Variants in CACNA1G observed in about 807,000 individuals in gnomAD.
CACNA1G encodes the protein calcium voltage-gated channel subunit alpha1 G, also known as voltage-dependent T-type calcium channel subunit alpha-1G.
A neutral mutation model predicts 219.4 loss-of-function variants in CACNA1G; 67 were observed. The ratio of observed to expected loss-of-function variants is 0.31; its 90% CI spans 0.25 to 0.37. The LOEUF is 0.37. CACNA1G is among the 10% of genes least tolerant of loss of function. CACNA1G has a pLI of 1.00. For synonymous variants in CACNA1G, 1,296 were observed against 1,345.3 expected (o/e 0.96, Z 0.80); for missense variants, 2,380 against 3,231.4 (o/e 0.74, Z 6.39).
At chr17:50,615,658 TG>T (rs2050379341) in intron 27 of CACNA1G, 146 bp downstream of exon 27, 1 of 807,406 alleles carries the variant, frequency 1.2e-6, no homozygotes. Flanking sequence ...CCCTTGGAGG[TG>T]GGTATCATCT....
At chr17:50,567,937 G>A (rs1265651103) in intron 1 of CACNA1G, among the ~76,000 whole-genome samples, 1 of 152,156 alleles carries the variant, frequency 6.6e-6, no homozygotes, top group Non-Finnish European at 1.5e-5. Context: ...GCCACAAGCA[G>A]GTGTGATGGC....
chr17:50,601,029 C>A, intron 18 of CACNA1G, 22 bp from the exon 19 acceptor site: 1 of 1,611,642 alleles, frequency 6.2e-7, no homozygotes, highest in African/African-American at 1.3e-5. Flanking sequence ...CCCTCTCAGC[C>A]GTTGCCTCCA....
intron 3 of CACNA1G, 53 bp downstream of exon 3, chr17:50,569,351 C>T (rs997950625): frequency 8.2e-6 from 13 of 1,591,220 alleles, no homozygotes; most frequent in South Asian, 6.6e-5. Flanking sequence ...GTCCCTTCCC[C>T]GGGGCCAGGG....
At chr17:50,584,714 A>G (rs1279589535) in intron 9 of CACNA1G, among the ~76,000 whole-genome samples, 1 of 151,568 alleles carries the variant, frequency 6.6e-6, no homozygotes, top group Admixed American at 6.6e-5. Context: ...GGGATGCACA[A>G]CACAGAGCTC....
At chr17:50,606,752 C>T (rs1171298265) in intron 23 of CACNA1G, 148 bp from the exon 24 acceptor site, 1 of 665,260 alleles carries the variant, frequency 1.5e-6, no homozygotes, top group Non-Finnish European at 2.8e-6. Context: ...AGGGAGGGCT[C>T]TCCTGGAGCC....
In CACNA1G at chr17:50,576,101, C is replaced by A; in HGVS notation, c.1699C>A (p.Arg567Ser). The change falls in exon 8 of 38, where the codon CGC (arginine) becomes AGC (serine). Residue 567 changes from arginine (R) to serine (S), a missense_variant. Arg to Ser is a moderately radical substitution (Grantham distance 110, BLOSUM62 -1). This residue lies in a region of CACNA1G where 434 missense variants were observed against 417.3 expected (regional missense o/e 1.04). Coordinates refer to ENST00000359106, the MANE Select transcript of CACNA1G (RefSeq NM_018896.5). ...YHADCHLEPV[R>S]CQAPPPRSPS... ...TGCCGACTGCCACTTAGAGCCAGTCCGCTGCCAGGCGCCCCCTCCCAGGTC... is the reference window on the plus strand; with the variant it reads ...TGCCGACTGCCACTTAGAGCCAGTCAGCTGCCAGGCGCCCCCTCCCAGGTC... 6.3e-7 allele frequency: 1 copy of A among 1,592,862 alleles called. No homozygotes were observed.
Position 50,591,820 on chromosome 17 carries a change from C to T in CACNA1G, c.2721C>T (p.Asp907=). ...GDTLPDRKNF[D]SLLWAIVTVF... is the part of the protein sequence containing the mutation. ...CCCTGCCAGACCGGAAGAATTTTGA[C>T]TCCTTGCTCTGGGCCATCGTCACTG... Residue 907 remains aspartate (D), a synonymous_variant, in exon 12 of 38, where the codon GAC becomes GAT. Transcript: ENST00000359106. 6.2e-7 allele frequency: 1 copy of T among 1,613,958 alleles called. No homozygotes were observed. Among genetic ancestry groups the T allele is most frequent in the Non-Finnish European group, 8.5e-7 (1 of 1,179,864 alleles).
At chr17:50,593,899 C>T (rs12949448) in intron 13 of CACNA1G, among the ~76,000 whole-genome samples, 10 of 152,218 alleles carry the variant, frequency 6.6e-5, no homozygotes, top group Admixed American at 6.5e-4. Flanking sequence ...TGGGGAGTGT[C>T]CTTCGATGCC....
At chr17:50,625,538 AG>A (rs1333805957) in intron 37 of CACNA1G, among the ~76,000 whole-genome samples, 3 of 152,210 alleles carry the variant, frequency 2.0e-5, no homozygotes, top group Non-Finnish European at 2.9e-5. Context: ...GGGACACAGA[AG>A]GGGAAGGGGT....
rs2050767081 is a variant in CACNA1G, at chr17:50,617,136, C to G, written c.5022-302C>G. Among the ~76,000 whole-genome samples the G allele has an allele frequency of 6.6e-6, 1 of 152,152 alleles. No individual in the cohort carries two copies. The highest frequency in any genetic ancestry group is 1.5e-5 in the Non-Finnish European group (1 of 68,024). On this transcript the variant is annotated intron_variant, in intron 28 of 37. Transcript: ENST00000359106. This position sits in a 1 kb window ranked among gnomAD's most constrained non-coding sequence, Gnocchi z 5.8. The stretch of plus-strand genomic sequence containing the variant: ...AGTGTTGGGACTGCAGGTGTGAGTT[C>G]CTATTTGTAAAGCTCTTAAAAGTGC...
chr17:50,624,342 G>A lies in CACNA1G; in HGVS notation c.6230-18G>A, dbSNP rs776152871. 85 of 701,138 alleles carry A rather than the reference G, an allele frequency of 1.2e-4. 1 individual carries two copies. Among genetic ancestry groups the A allele is most frequent in the East Asian group, 9.4e-4 (20 of 21,178 alleles). The allele number at this position is 701,138 out of a possible 1,614,324, so 43.4% of individuals were successfully genotyped here. The stretch of plus-strand genomic sequence containing the variant: ...CATTCTCTCCCCCCACCCCTCCCCC[G>A]CTTCCCTCCCTCCACAGGCTCCGTC... On this transcript the variant is annotated intron_variant, in intron 36 of 37. Transcript: ENST00000359106.
intron 9 of CACNA1G, among the ~76,000 whole-genome samples, chr17:50,583,835 C>T (rs956432105): frequency 8.5e-5 from 13 of 152,236 alleles, no homozygotes; most frequent in African/African-American, 1.7e-4. Flanking sequence ...GCGAGGAAGC[C>T]GGTGCTTCCC....
Position 50,596,767 on chromosome 17 carries a change from C to T in CACNA1G, c.3102C>T (p.Ser1034=). The T allele has an allele frequency of 6.2e-7, 1 of 1,612,690 alleles. No individual in the cohort carries two copies. The highest frequency in any genetic ancestry group is 1.6e-4 in the Middle Eastern group (1 of 6,062). ...SLGEHPELRK[S]LLPPLIIHTA... ...GAGAGCACCCGGAGCTGCGGAAGAG[C>T]CTGCTGCCGCCTCTCATCATCCACA... Residue 1034 remains serine (S), a synonymous_variant, in exon 16 of 38, where the codon AGC becomes AGT. Transcript: ENST00000359106. The surrounding 1 kb of genome is among the most constrained non-coding windows in gnomAD (Gnocchi z 4.8).
chr17:50,616,580 A>G (rs2050653638), intron 28 of CACNA1G, among the ~76,000 whole-genome samples, 196 bp downstream of exon 28: 1 of 152,166 alleles, frequency 6.6e-6, no homozygotes, highest in African/African-American at 2.4e-5. Context: ...GAAGGCATGG[A>G]GAGAATTTGA....
Position 50,609,890 on chromosome 17 carries a change from C to T in CACNA1G, c.4714C>T (p.Leu1572=). Residue 1572 remains leucine, a synonymous_variant, in exon 26 of 38, where the codon CTG becomes TTG. Transcript: ENST00000359106. ...GTGTTTCGTTCTTTTAGATCTAATGCTGGACGATGTAATTGCTTCCGGCAG... is the reference window on the plus strand; with the variant it reads ...GTGTTTCGTTCTTTTAGATCTAATGTTGGACGATGTAATTGCTTCCGGCAG... ...RLEKKRRNLM[L]DDVIASGSSA... is the part of the protein sequence containing the mutation. 6.2e-7 allele frequency: 1 copy of T among 1,611,614 alleles called. No homozygotes were observed. The highest frequency in any genetic ancestry group is 8.5e-7 in the Non-Finnish European group (1 of 1,179,774).
At chr17:50,568,811 G>A in intron 1 of CACNA1G, 59 bp from the exon 2 acceptor site, 2 of 1,352,500 alleles carry the variant, frequency 1.5e-6, no homozygotes, top group Admixed American at 1.7e-5. Flanking sequence ...TGTTAGGGCG[G>A]GGTCGGGGGG....
chr17:50,624,733 G>C (rs12601390), intron 37 of CACNA1G, among the ~76,000 whole-genome samples: 1 of 152,200 alleles, frequency 6.6e-6, no homozygotes, highest in Non-Finnish European at 1.5e-5. Context: ...CCAGTTCCTT[G>C]TTCCACTGAG....
chr17:50,578,793 T>C lies in CACNA1G; in HGVS notation c.2301+229T>C, dbSNP rs116878594. Among the ~76,000 whole-genome samples, 4,368 of 152,296 alleles carry C rather than the reference T, an allele frequency of 0.029. 117 individuals are homozygous for C. The highest frequency in any genetic ancestry group is 0.046 in the Non-Finnish European group (3,131 of 68,024). ...GTCGCCTCAGGTAGGCCACAGGGTA[T>C]GTTCTACCCAGGAAGGCTGCTCAGA... On this transcript the variant is annotated intron_variant, in intron 9 of 37. Transcript: ENST00000359106. The surrounding 1 kb of genome is among the most constrained non-coding windows in gnomAD (Gnocchi z 4.5).
At position 50,618,601 on chromosome 17, in the gene CACNA1G, A is replaced by G. The variant is rs1219810099; in HGVS notation, c.5428-54A>G. 7.2e-7 allele frequency: 1 copy of G among 1,385,862 alleles called. No homozygotes were observed. The highest frequency in any genetic ancestry group is 1.4e-5 in the African/African-American group (1 of 70,440). 85.8% of individuals were successfully genotyped at this position (1,385,862 alleles called of 1,614,324 possible). On this transcript the variant is annotated intron_variant, in intron 32 of 37. Coordinates refer to ENST00000359106, the MANE Select transcript of CACNA1G (RefSeq NM_018896.5). The surrounding 1 kb of genome is among the most constrained non-coding windows in gnomAD (Gnocchi z 5.3). ...GACACCAGTGACCTGATTTTCCACA[A>G]CAGCTCCAACAACTGTCCTCCCCAG...
Sources: gnomAD v4.1 joint callset for allele counts (sites outside exome capture counted in the v4.1 genomes callset) on GRCh38, gnomAD v4.1.1 for gene constraint, gnomAD v4.1.1 regional missense constraint, Gnocchi (gnomAD v3.1) non-coding constraint, MANE v1.5 for transcripts, NCBI Gene and HGNC (gene_info 2026-07-23, HGNC 2026-07-21) for gene names.